Variants in PDXDC1 observed in about 807,000 individuals in gnomAD.
PDXDC1 encodes the protein pyridoxal-dependent decarboxylase domain-containing protein 1.
PDXDC1 carries 42 observed loss-of-function variants against 100.1 expected under a neutral mutation model. The ratio of observed to expected loss-of-function variants is 0.42; its 90% CI spans 0.33 to 0.54. The LOEUF is 0.54. Among genes scored for constraint, PDXDC1 ranks in the 20% least tolerant of loss-of-function variants. The pLI is 0.10. For synonymous variants in PDXDC1, 260 were observed against 371.7 expected, an observed-to-expected ratio of 0.70 and a Z score of 3.46; for missense variants, 636 against 979.2, an observed-to-expected ratio of 0.65 and a Z score of 4.68.
intron 16 of PDXDC1, among the ~76,000 whole-genome samples, chr16:15,065,925 C>T (rs1268520152): frequency 1.3e-5 from 2 of 152,134 alleles, no homozygotes; most frequent in African/African-American, 2.4e-5. Flanking sequence ...CTAGGCATGC[C>T]GAGTGAGAAC....
intron 16 of PDXDC1, among the ~76,000 whole-genome samples, chr16:15,111,365 A>G (rs1160226985): frequency 2.0e-5 from 3 of 147,500 alleles, no homozygotes; most frequent in East Asian, 2.0e-4. Context: ...CTGAGGCAGG[A>G]GAATCACTTG....
At chr16:14,977,242 G>GTAAGTTT (rs1966887239) in intron 1 of PDXDC1, among the ~76,000 whole-genome samples, 1 of 143,728 alleles carries the variant, frequency 7.0e-6, no homozygotes, top group Non-Finnish European at 1.5e-5. Flanking sequence ...AATTCTGAGT[G>GTAAGTTT]TAAGTTTTTC....
At chr16:15,059,995 A>AT in intron 16 of PDXDC1, 1 of 132,164 alleles carries the variant, frequency 7.6e-6, no homozygotes, top group Non-Finnish European at 1.7e-5. Flanking sequence ...AATACATTAA[A>AT]TTAAAAAAAA....
chr16:15,035,198 C>T lies in PDXDC1; in HGVS notation c.2003-251C>T, dbSNP rs551482579. 1.1e-4 allele frequency among the ~76,000 whole-genome samples: 16 copies of T among 152,356 alleles called. No individual in the cohort carries two copies. In the East Asian group the frequency reaches 2.3e-3, roughly 22 times the overall value. On this transcript the variant is annotated intron_variant, in intron 21 of 22. Coordinates refer to ENST00000396410, the MANE Select transcript of PDXDC1 (RefSeq NM_015027.4). ...GCACCCACTTCTTGTGGCTACAGTA[C>T]GTTTCCCTGTTGGGCCTGGCTCCCT...
rs2043262901 is a variant in PDXDC1, at chr16:15,034,351, G to A, written c.1878G>A (p.Lys626=). 6 of 1,613,400 alleles carry A rather than the reference G, an allele frequency of 3.7e-6. No homozygotes were observed. In the South Asian group the frequency reaches 5.5e-5, roughly 15 times the overall value. Residue 626 remains lysine (K), a synonymous_variant, in exon 20 of 23, where the codon AAG becomes AAA. Transcript: ENST00000396410. ...AGGAAGCTCAAGTGGAGCTGCAGAA[G>A]GCAAGTGAAGAACGGCTTCTGGAAG... The part of the protein sequence containing the change: ...GIQEAQVELQ[K]ASEERLLEEG...
At chr16:15,000,432 C>G (rs1270763165) in intron 3 of PDXDC1, among the ~76,000 whole-genome samples, 1 of 152,296 alleles carries the variant, frequency 6.6e-6, no homozygotes, top group Non-Finnish European at 1.5e-5. Context: ...GCTCTGATCT[C>G]TACAGTGTCC....
downstream of PDXDC1, chr16:15,038,545 T>A: frequency 2.4e-6 from 3 of 1,251,752 alleles, no homozygotes; most frequent in Non-Finnish European, 3.5e-6. Context: ...TGCAGAGATT[T>A]AAGACTTACC....
chr16:15,131,304 T>C, intron 16 of PDXDC1: 1 of 1,575,390 alleles, frequency 6.3e-7, no homozygotes, highest in South Asian at 1.1e-5. Flanking sequence ...CGCCGGCCTG[T>C]GTCTGGAACG....
chr16:15,032,019 C>G, intron 17 of PDXDC1, 113 bp downstream of exon 17: 1 of 956,230 alleles, frequency 1.0e-6, no homozygotes, highest in Non-Finnish European at 1.6e-6. Context: ...TCACAATATG[C>G]TTAACGAAAA....
At chr16:14,995,039 G>T (rs1971660230) in intron 1 of PDXDC1, among the ~76,000 whole-genome samples, 1 of 152,286 alleles carries the variant, frequency 6.6e-6, no homozygotes, top group African/African-American at 2.4e-5. Flanking sequence ...GGAGATTTTG[G>T]GCTGAGACGA....
At chr16:15,109,512 C>T (rs1490323968) in intron 16 of PDXDC1, among the ~76,000 whole-genome samples, 1 of 148,330 alleles carries the variant, frequency 6.7e-6, no homozygotes, top group African/African-American at 2.5e-5. Context: ...CAAAAATTAT[C>T]TGGGCATGGT....
At chr16:15,100,932 G>A (rs1206196450) in intron 16 of PDXDC1, among the ~76,000 whole-genome samples, 1 of 152,168 alleles carries the variant, frequency 6.6e-6, no homozygotes, top group Non-Finnish European at 1.5e-5. Flanking sequence ...ACTGCAGTGA[G>A]CTATGATCTC....
At chr16:15,031,590 G>A in intron 16 of PDXDC1, 145 bp from the exon 17 acceptor site, 1 of 620,512 alleles carries the variant, frequency 1.6e-6, no homozygotes, top group Non-Finnish European at 2.9e-6. Context: ...TCTGTGTTGA[G>A]GGCCTTTTTT....
In PDXDC1 at chr16:15,038,251, A is replaced by ATAAAATTAGAGAAGCCAACCTTG. The variant is rs1567750656; in HGVS notation, c.*1976_*1977insTAAAATTAGAGAAGCCAACCTTG. ...GGTGGGCATTAGAGAAGCCAACCTT[A>ATAAAATTAGAGAAGCCAACCTTG]CTGTCCCCTGCTGTGATAAAGATGT... On this transcript the variant is annotated 3_prime_UTR_variant, in exon 23 of 23. Coordinates refer to ENST00000396410, the MANE Select transcript of PDXDC1 (RefSeq NM_015027.4). 1 of 1,441,178 alleles carries ATAAAATTAGAGAAGCCAACCTTG rather than the reference A, an allele frequency of 6.9e-7. No individual in the cohort carries two copies. Among genetic ancestry groups the ATAAAATTAGAGAAGCCAACCTTG allele is most frequent in the African/African-American group, 1.4e-5 (1 of 70,988 alleles). 89.3% of individuals were successfully genotyped at this position (1,441,178 alleles called of 1,614,324 possible). A position where few individuals can be genotyped will look rare whatever the true frequency, so the allele number is the denominator to read the frequency against.
the PDXDC1 span, among the ~76,000 whole-genome samples, chr16:15,144,399 T>G: frequency 1.3e-5 from 2 of 151,766 alleles, no homozygotes; most frequent in Admixed American, 1.3e-4. Context: ...AAAAAAACAG[T>G]GCAGCCCCGG....
chr16:15,039,868 A>G (rs1008498060), downstream of PDXDC1: 13 of 699,170 alleles, frequency 1.9e-5, 1 homozygote, highest in Non-Finnish European at 3.0e-5. Context: ...GCTATAAAGA[A>G]GCTGACAGCA....
chr16:15,135,993 G>T, intron 16 of PDXDC1: 1 of 1,547,186 alleles, frequency 6.5e-7, no homozygotes, highest in Non-Finnish European at 8.8e-7. Context: ...CGAGCCAGAT[G>T]CAGTGCTCGG....
At chr16:15,086,532 C>T in intron 16 of PDXDC1, 1 of 1,582,166 alleles carries the variant, frequency 6.3e-7, no homozygotes, top group East Asian at 2.3e-5. Context: ...TTATATCAAT[C>T]ATTTATCAAG....
At chr16:15,032,719 G>A (rs2043142812) in intron 17 of PDXDC1, 142 bp from the exon 18 acceptor site, 2 of 516,050 alleles carry the variant, frequency 3.9e-6, no homozygotes, top group Non-Finnish European at 7.0e-6. Context: ...CAGAAAGTTT[G>A]TGGTCTGGAG....
Sources: allele counts gnomAD v4.1 joint callset (sites outside exome capture counted in the v4.1 genomes callset), GRCh38; gene constraint gnomAD v4.1.1; transcripts MANE v1.5; gene names NCBI Gene and HGNC (gene_info 2026-07-23, HGNC 2026-07-21).